Variants in EIF2AK1 observed in about 807,000 individuals in gnomAD.
EIF2AK1 encodes eukaryotic translation initiation factor 2 alpha kinase 1.
Under a neutral mutation model 77.9 loss-of-function variants are expected in EIF2AK1, and 54 were observed. That is an observed-to-expected ratio of 0.69 (90% CI 0.56 to 0.87). The LOEUF (loss-of-function observed/expected upper bound fraction) is 0.87. Among genes scored for constraint, EIF2AK1 ranks in the 40% least tolerant of loss-of-function variants. The pLI is 0.00. For synonymous variants in EIF2AK1, 314 were observed against 290.5 expected (o/e 1.08, Z -0.82); for missense variants, 810 against 768.6 (o/e 1.05, Z -0.64).
chr7:6,029,077 A>G lies in EIF2AK1; in HGVS notation c.1333-45T>C, dbSNP rs752419872. On this transcript the variant is annotated intron_variant, in intron 11 of 14. Transcript: ENST00000199389. ...GTCAACTCCTTGGCTTTCTTAAAAC[A>G]AATAGTAATATCTTGTAAATGTTTT... is the stretch of plus-strand genomic sequence containing the variant. The G allele has an allele frequency of 1.2e-5, 17 of 1,417,168 alleles. No homozygotes were observed. The Admixed American group carries it at 1.9e-4, about 16-fold the overall frequency. 87.8% of individuals were successfully genotyped at this position (1,417,168 alleles called of 1,614,324 possible). A position where few individuals can be genotyped will look rare whatever the true frequency, so the allele number is the denominator to read the frequency against.
chr7:6,023,289 T>C lies in EIF2AK1; in HGVS notation c.*1384A>G. On this transcript the variant is annotated 3_prime_UTR_variant, in exon 15 of 15. Coordinates refer to ENST00000199389, the MANE Select transcript of EIF2AK1 (RefSeq NM_014413.4). ...TGCTCTGGTGATGCTACCTGGCGTG[T>C]TTTTTCTTTTCAGTGCCGAAGACGC... 6.4e-7 allele frequency: 1 copy of C among 1,574,270 alleles called. No individual in the cohort carries two copies. Among genetic ancestry groups the C allele is most frequent in the African/African-American group, 1.4e-5 (1 of 73,762 alleles).
Position 6,035,839 on chromosome 7 carries a change from C to T in EIF2AK1, c.1332+1585G>A, listed in dbSNP as rs1404833507. 59 of 1,548,488 alleles carry T rather than the reference C, an allele frequency of 3.8e-5. No individual in the cohort carries two copies. Among genetic ancestry groups the T allele is most frequent in the South Asian group, 7.2e-5 (6 of 83,770 alleles). On this transcript the variant is annotated intron_variant, in intron 11 of 14. Transcript: ENST00000199389. The surrounding 1 kb of genome is among the most constrained non-coding windows in gnomAD (Gnocchi z 5.5). Reference sequence around the variant, plus strand: ...TGTGCTGTCTCTTCCACGGGGAACACGCCCCTGAAGCTTGCAGTGTGCACT... The same window carrying T: ...TGTGCTGTCTCTTCCACGGGGAACATGCCCCTGAAGCTTGCAGTGTGCACT...
chr7:6,042,073 C>T (rs974242564), intron 8 of EIF2AK1, among the ~76,000 whole-genome samples: 2 of 151,944 alleles, frequency 1.3e-5, no homozygotes, highest in Admixed American at 6.6e-5. Flanking sequence ...TGCCTGAGTC[C>T]AGGAGTTGGA....
intron 11 of EIF2AK1, chr7:6,031,691 T>C (rs1787918231): frequency 1.7e-6 from 2 of 1,210,012 alleles, no homozygotes; most frequent in Non-Finnish European, 2.3e-6. Context: ...ACGGCCCTTA[T>C]GAGAATGAGA....
At position 6,024,216 on chromosome 7, in the gene EIF2AK1, G is replaced by T. The variant is rs1006754371; in HGVS notation, c.*457C>A. The T allele has an allele frequency of 8.1e-6, 10 of 1,231,760 alleles. No individual in the cohort carries two copies. Among genetic ancestry groups the T allele is most frequent in the Non-Finnish European group, 9.3e-6 (9 of 962,792 alleles). The allele number at this position is 1,231,760 out of a possible 1,614,324, so 76.3% of individuals were successfully genotyped here. A position where few individuals can be genotyped will look rare whatever the true frequency, so the allele number is the denominator to read the frequency against. ...GAGGCAGCAGAAGGTTTGGAGCCAA[G>T]GAATGAAATGATGAGGCGTCCTTCA... On this transcript the variant is annotated 3_prime_UTR_variant, in exon 15 of 15. Coordinates refer to ENST00000199389, the MANE Select transcript of EIF2AK1 (RefSeq NM_014413.4).
Position 6,023,576 on chromosome 7 carries a change from C to T in EIF2AK1, c.*1097G>A, listed in dbSNP as rs754007971. The T allele has an allele frequency of 6.2e-7, 1 of 1,614,206 alleles. No homozygotes were observed. The highest frequency in any genetic ancestry group is 1.1e-5 in the South Asian group (1 of 91,086). Reference sequence around the variant, plus strand: ...ACCGTAGCAGACGTGGTGCTGTGGTCTGTACTCCAGCAGATCGGAGGCTGC... The same window carrying T: ...ACCGTAGCAGACGTGGTGCTGTGGTTTGTACTCCAGCAGATCGGAGGCTGC... On this transcript the variant is annotated 3_prime_UTR_variant, in exon 15 of 15. Coordinates refer to ENST00000199389, the MANE Select transcript of EIF2AK1 (RefSeq NM_014413.4).
chr7:6,037,969 A>T (rs1027552537), intron 10 of EIF2AK1, among the ~76,000 whole-genome samples: 1 of 152,154 alleles, frequency 6.6e-6, no homozygotes, highest in African/African-American at 2.4e-5. Flanking sequence ...AAAAAGATAA[A>T]ATATGTTAGC....
chr7:6,029,103 T>C, intron 11 of EIF2AK1, 71 bp from the exon 12 acceptor site: 1 of 1,312,446 alleles, frequency 7.6e-7, no homozygotes, highest in East Asian at 2.3e-5. Flanking sequence ...TAAATGTTTT[T>C]AAGTGTTTGG....
In EIF2AK1 at chr7:6,035,396, C is replaced by T. The variant is rs1028522604; in HGVS notation, c.1332+2028G>A. 7.4e-6 allele frequency: 11 copies of T among 1,493,884 alleles called. No individual in the cohort carries two copies. The highest frequency in any genetic ancestry group is 1.7e-4 in the Middle Eastern group (1 of 5,822). 92.5% of individuals were successfully genotyped at this position (1,493,884 alleles called of 1,614,324 possible). On this transcript the variant is annotated intron_variant, in intron 11 of 14. Coordinates refer to ENST00000199389, the MANE Select transcript of EIF2AK1 (RefSeq NM_014413.4). This position sits in a 1 kb window ranked among gnomAD's most constrained non-coding sequence, Gnocchi z 5.5. ...TAAGCATTAACTGTCCACGTAGAGC[C>T]GTTCCCACTGTGAATTCAGTGTAAC...
rs1787668981 is a variant in EIF2AK1 at position 6,024,146 on chromosome 7, G to C, written c.*527C>G. 4.6e-6 allele frequency: 6 copies of C among 1,293,496 alleles called. No individual in the cohort carries two copies. Among genetic ancestry groups the C allele is most frequent in the Non-Finnish European group, 6.0e-6 (6 of 991,800 alleles). The allele number at this position is 1,293,496 out of a possible 1,614,324, so 80.1% of individuals were successfully genotyped here. A position where few individuals can be genotyped will look rare whatever the true frequency, so the allele number is the denominator to read the frequency against. ...GTGGAGAGAACAGATAAAAAGGTTG[G>C]AAGTTGCACACTGTACACTGTTAAG... On this transcript the variant is annotated 3_prime_UTR_variant, in exon 15 of 15. Transcript: ENST00000199389.
In EIF2AK1 at chr7:6,046,171, A is replaced by T; in HGVS notation, c.550-20T>A. ...CCTGACCTGAAAAGTAGAAAAAAAGACAAAGTATATTGTGTCATTAAACTT... is the reference window on the plus strand; with the variant it reads ...CCTGACCTGAAAAGTAGAAAAAAAGTCAAAGTATATTGTGTCATTAAACTT... On this transcript the variant is annotated intron_variant, in intron 5 of 14. Transcript: ENST00000199389. 9 of 1,384,060 alleles carry T rather than the reference A, an allele frequency of 6.5e-6. No individual in the cohort carries two copies. The highest frequency in any genetic ancestry group is 6.9e-6 in the Non-Finnish European group (7 of 1,010,344). 85.7% of individuals were successfully genotyped at this position (1,384,060 alleles called of 1,614,324 possible).
At chr7:6,053,455 A>C (rs995408459) in intron 2 of EIF2AK1, among the ~76,000 whole-genome samples, 1 of 150,768 alleles carries the variant, frequency 6.6e-6, no homozygotes, top group Non-Finnish European at 1.5e-5. Flanking sequence ...TCCGCCTCCC[A>C]GGTTCAAATG....
chr7:6,040,584 T>G (rs1788267382), intron 9 of EIF2AK1, among the ~76,000 whole-genome samples: 1 of 152,200 alleles, frequency 6.6e-6, no homozygotes, highest in African/African-American at 2.4e-5. Context: ...AAATATATCT[T>G]TATAGCATGA....
chr7:6,025,791 C>T (rs1057121607), intron 14 of EIF2AK1, among the ~76,000 whole-genome samples: 9 of 151,944 alleles, frequency 5.9e-5, no homozygotes, highest in East Asian at 1.9e-4. Context: ...TGCACCACCA[C>T]GCCCGGCTAA....
intron 10 of EIF2AK1, 25 bp downstream of exon 10, chr7:6,038,535 C>A: frequency 6.3e-7 from 1 of 1,585,132 alleles, no homozygotes; most frequent in Non-Finnish European, 8.6e-7. Context: ...TATTTCCCGG[C>A]CCGGCAGACC....
Position 6,023,815 on chromosome 7 carries a change from T to C in EIF2AK1, c.*858A>G, listed in dbSNP as rs1787653979. Reference sequence around the variant, plus strand: ...ATTTAGGCCAGTTGTCAAGTGTCAATAAAAGCATCATGTAATTTATGGTTT... The same window carrying C: ...ATTTAGGCCAGTTGTCAAGTGTCAACAAAAGCATCATGTAATTTATGGTTT... On this transcript the variant is annotated 3_prime_UTR_variant, in exon 15 of 15. Transcript: ENST00000199389. 1 of 1,572,958 alleles carries C rather than the reference T, an allele frequency of 6.4e-7. No homozygotes were observed. Among genetic ancestry groups the C allele is most frequent in the South Asian group, 1.2e-5 (1 of 86,064 alleles).
chr7:6,041,151 T>C lies in EIF2AK1; in HGVS notation c.860A>G (p.Glu287Gly), dbSNP rs764592851. ...SSIIFAEPTP[E>G]KEKRFGESDT... ...AGATTCTCCAAAGCGTTTTTCTTTT[T>C]CTGGGGTGGGCTCAGCAAAGATAAT... The change falls in exon 9 of 15, where the codon GAA (glutamate) becomes GGA (glycine). Residue 287 changes from glutamate to glycine, a missense_variant. Transcript: ENST00000199389. The C allele has an allele frequency of 6.2e-7, 1 of 1,614,134 alleles. No homozygotes were observed. The highest frequency in any genetic ancestry group is 1.1e-5 in the South Asian group (1 of 91,082).
intron 1 of EIF2AK1, among the ~76,000 whole-genome samples, chr7:6,054,998 G>A (rs745451239): frequency 1.6e-4 from 24 of 152,100 alleles, no homozygotes; most frequent in Non-Finnish European, 2.6e-4. Flanking sequence ...GGACTAGGAT[G>A]GCTTCCTTCC....
chr7:6,031,259 C>T (rs1787901850), intron 11 of EIF2AK1: 1 of 993,030 alleles, frequency 1.0e-6, no homozygotes, highest in African/African-American at 1.6e-5. Flanking sequence ...CTTCACAGAT[C>T]CAATTCTCGA....
Sources: allele counts gnomAD v4.1 joint callset (sites outside exome capture counted in the v4.1 genomes callset), GRCh38; gene constraint gnomAD v4.1.1; non-coding constraint Gnocchi (gnomAD v3.1); transcripts MANE v1.5; gene names NCBI Gene and HGNC (gene_info 2026-07-23, HGNC 2026-07-21).